Variants in COMMD1 observed in about 807,000 individuals in gnomAD.
COMMD1 encodes the protein copper metabolism domain containing 1, also known as COMM domain-containing protein 1.
COMMD1 carries 10 observed loss-of-function variants against 17.2 expected under a neutral mutation model. That is an observed-to-expected ratio of 0.58 (90% CI 0.36 to 0.99). The LOEUF (loss-of-function observed/expected upper bound fraction) is 0.99. Among genes scored for constraint, COMMD1 ranks in the 50% least tolerant of loss-of-function variants. The probability of loss-of-function intolerance (pLI) is 0.01; values close to 1 mark genes in which losing one functional copy is unlikely to be tolerated. For missense variants in COMMD1, 270 were observed against 231.8 expected (o/e 1.17, Z -1.07); for synonymous variants, 97 against 91.6 (o/e 1.06, Z -0.34).
At chr2:61,908,462 T>C (rs990105898) in intron 1 of COMMD1, among the ~76,000 whole-genome samples, 2 of 152,108 alleles carry the variant, frequency 1.3e-5, no homozygotes, top group Non-Finnish European at 1.5e-5. Flanking sequence ...CTTGACCTCA[T>C]GATCTGCCTG....
chr2:62,097,813 A>G (rs771894799), intron 2 of COMMD1, among the ~76,000 whole-genome samples: 4 of 152,150 alleles, frequency 2.6e-5, no homozygotes, highest in Non-Finnish European at 5.9e-5. Flanking sequence ...GGTGTCGACA[A>G]AGGCTCTGGT....
At chr2:62,117,764 G>A (rs772857894) in intron 2 of COMMD1, among the ~76,000 whole-genome samples, 2 of 152,080 alleles carry the variant, frequency 1.3e-5, no homozygotes, top group East Asian at 1.9e-4. Context: ...AAAGTGTTCC[G>A]ATTTGTCAGA....
At chr2:62,037,349 T>C (rs1385187269) in intron 2 of COMMD1, among the ~76,000 whole-genome samples, 1 of 152,214 alleles carries the variant, frequency 6.6e-6, no homozygotes, top group Non-Finnish European at 1.5e-5. Context: ...ATAAATGGGA[T>C]ACACCCTGCC....
Position 62,128,935 on chromosome 2 carries a change from G to A in COMMD1, c.463-6896G>A, listed in dbSNP as rs561821780. On this transcript the variant is annotated intron_variant, in intron 2 of 2. Transcript: ENST00000311832. ...CCACTGCACTCCAGCCTGGGCAACA[G>A]AGCGAAACTCCATCTAAAAAAAAAA... Among the ~76,000 whole-genome samples the A allele has an allele frequency of 4.2e-5, 6 of 141,548 alleles. No individual in the cohort carries two copies. The East Asian group carries it at 8.1e-4, about 19-fold the overall frequency. The allele number at this position is 141,548 out of a possible 152,430, so 92.9% of individuals were successfully genotyped here.
chr2:61,891,178 C>T (rs913346036), intron 1 of COMMD1, among the ~76,000 whole-genome samples: 2 of 152,074 alleles, frequency 1.3e-5, no homozygotes, highest in African/African-American at 4.8e-5. Context: ...ACTAGTTCTA[C>T]CAGTGTAAGG....
intron 2 of COMMD1, among the ~76,000 whole-genome samples, chr2:62,082,610 C>T (rs1036460436): frequency 1.3e-5 from 2 of 152,128 alleles, no homozygotes; most frequent in African/African-American, 4.8e-5. Flanking sequence ...ACCTGTAATC[C>T]CAGCACTTTG....
At chr2:61,945,496 C>G (rs1476385925) in intron 1 of COMMD1, among the ~76,000 whole-genome samples, 7 of 152,186 alleles carry the variant, frequency 4.6e-5, no homozygotes, top group Non-Finnish European at 1.0e-4. Context: ...GGCGATTTGT[C>G]AAAGGTCAGG....
rs1327605927 is a variant in COMMD1 at position 62,036,747 on chromosome 2, T to G, written c.462+35765T>G. Among the ~76,000 whole-genome samples, 3 of 152,240 alleles carry G rather than the reference T, an allele frequency of 2.0e-5. No homozygotes were observed. In the East Asian group the frequency reaches 5.8e-4, roughly 29 times the overall value. Reference sequence around the variant, plus strand: ...GTTGTATACATAGACCATCCATCACTTCCACCTTGGTTTTATTCTGAATTT... The same window carrying G: ...GTTGTATACATAGACCATCCATCACGTCCACCTTGGTTTTATTCTGAATTT... On this transcript the variant is annotated intron_variant, in intron 2 of 2. Transcript: ENST00000311832.
chr2:62,036,982 C>T (rs966265947), intron 2 of COMMD1, among the ~76,000 whole-genome samples: 2 of 152,064 alleles, frequency 1.3e-5, no homozygotes, highest in African/African-American at 4.8e-5. Flanking sequence ...TTTGTTGTAC[C>T]TTGCATTCAA....
Position 61,897,919 on chromosome 2 carries a change from C to T in COMMD1, n.119+9077C>T, listed in dbSNP as rs899542781. ...TGTTTCATGCCTCCATATATAGGGACGAGTTATTTCATCTGCAGCATATTC... is the reference window on the plus strand; with the variant it reads ...TGTTTCATGCCTCCATATATAGGGATGAGTTATTTCATCTGCAGCATATTC... On this transcript the variant is annotated intron_variant and non_coding_transcript_variant, in intron 1 of 2. Coordinates refer to the COMMD1 transcript ENST00000472729. Among the ~76,000 whole-genome samples the T allele has an allele frequency of 7.6e-4, 115 of 152,116 alleles. 2 individuals carry two copies. Among genetic ancestry groups the T allele is most frequent in the Middle Eastern group, 3.4e-3 (1 of 294 alleles).
chr2:61,916,828 G>A (rs1001806625), intron 1 of COMMD1, among the ~76,000 whole-genome samples: 1 of 152,266 alleles, frequency 6.6e-6, no homozygotes, highest in African/African-American at 2.4e-5. Flanking sequence ...CCCAGCACTC[G>A]AAGTTCTTTT....
chr2:62,113,761 T>C (rs1192763230), intron 2 of COMMD1, among the ~76,000 whole-genome samples: 1 of 152,248 alleles, frequency 6.6e-6, no homozygotes, highest in African/African-American at 2.4e-5. Context: ...TCACATTGAT[T>C]TAGCCTGCAG....
At chr2:61,999,305 A>G (rs1042187639) in intron 1 of COMMD1, among the ~76,000 whole-genome samples, 2 of 152,212 alleles carry the variant, frequency 1.3e-5, no homozygotes, top group African/African-American at 4.8e-5. Flanking sequence ...GTCTTCTTGG[A>G]TGCTGGAATA....
chr2:62,133,197 C>T (rs1347477953), intron 2 of COMMD1, among the ~76,000 whole-genome samples: 1 of 152,192 alleles, frequency 6.6e-6, no homozygotes, highest in East Asian at 1.9e-4. Context: ...ATCCAAGAGG[C>T]CCCTTCTTTC....
intron 2 of COMMD1, among the ~76,000 whole-genome samples, chr2:62,049,083 C>G (rs1350322757): frequency 2.6e-5 from 4 of 151,712 alleles, no homozygotes; most frequent in Non-Finnish European, 4.4e-5. Context: ...AATAGAAATG[C>G]AAGTTTAACC....
chr2:62,061,096 CTG>C (rs1474831074), intron 2 of COMMD1, among the ~76,000 whole-genome samples: 1 of 152,082 alleles, frequency 6.6e-6, no homozygotes, highest in African/African-American at 2.4e-5. Context: ...GATTTCCTAT[CTG>C]TGTGTTAATT....
In COMMD1 at chr2:61,984,414, G is replaced by A. The variant is rs1027350749; in HGVS notation, c.181-16287G>A. ...ATTCAGTAATGGTCATTACAGTACC[G>A]TATTGGTCATTCAGCAGCATATTGT... On this transcript the variant is annotated intron_variant, in intron 1 of 2. Transcript: ENST00000311832. 6.6e-5 allele frequency among the ~76,000 whole-genome samples: 10 copies of A among 152,052 alleles called. No homozygotes were observed. In the South Asian group the frequency reaches 8.3e-4, roughly 13 times the overall value.
At chr2:61,961,516 T>A (rs535087570) in intron 1 of COMMD1, among the ~76,000 whole-genome samples, 1 of 152,186 alleles carries the variant, frequency 6.6e-6, no homozygotes, top group Non-Finnish European at 1.5e-5. Flanking sequence ...TATATACTAA[T>A]AGTGGATAGC....
intron 1 of COMMD1, among the ~76,000 whole-genome samples, chr2:61,910,953 C>G (rs2105177734): frequency 6.6e-6 from 1 of 151,870 alleles, no homozygotes; most frequent in East Asian, 2.0e-4. Flanking sequence ...CATGGTGGTT[C>G]ATGCCTGCAA....
Sources: gnomAD v4.1 joint callset for allele counts (sites outside exome capture counted in the v4.1 genomes callset) on GRCh38, gnomAD v4.1.1 for gene constraint, MANE v1.5 for transcripts, NCBI Gene and HGNC (gene_info 2026-07-23, HGNC 2026-07-21) for gene names.